The following ADAMTS2 variants were observed in gnomAD, a reference collection of about 807,000 sequenced individuals.
The protein encoded by ADAMTS2 is A disintegrin and metalloproteinase with thrombospondin motifs 2.
A neutral mutation model predicts 123.0 loss-of-function variants in ADAMTS2; 50 were observed. The observed-to-expected ratio is 0.41, with a 90% CI of 0.32 to 0.51. The LOEUF (loss-of-function observed/expected upper bound fraction) is 0.51. ADAMTS2 is among the 20% of genes least tolerant of loss of function. The probability of loss-of-function intolerance (pLI) is 0.35; values close to 1 mark genes in which losing one functional copy is unlikely to be tolerated. For synonymous variants in ADAMTS2, 678 were observed against 695.4 expected (o/e 0.98, Z 0.39); for missense variants, 1,494 against 1,705.2 (o/e 0.88, Z 2.18).
In ADAMTS2 at chr5:179,130,250, C is replaced by T; in HGVS notation, c.2291-152G>A. On this transcript the variant is annotated intron_variant, in intron 15 of 21. Transcript: ENST00000251582. The surrounding 1 kb of genome is among the most constrained non-coding windows in gnomAD (Gnocchi z 4.3). ...CAGTTTCCTCTGTGCCACGACAGCC[C>T]AGATGGCTCTGGGAGCCCTGCTTGC... The T allele has an allele frequency of 2.1e-6, 2 of 948,942 alleles. No individual in the cohort carries two copies. Among genetic ancestry groups the T allele is most frequent in the Non-Finnish European group, 3.3e-6 (2 of 609,138 alleles). 58.8% of individuals were successfully genotyped at this position (948,942 alleles called of 1,614,324 possible).
intron 4 of ADAMTS2, among the ~76,000 whole-genome samples, chr5:179,206,219 G>A (rs1001347398): frequency 1.3e-5 from 2 of 152,176 alleles, no homozygotes; most frequent in African/African-American, 4.8e-5. Flanking sequence ...ACCCAAGACC[G>A]GTCAAGAGGA....
intron 3 of ADAMTS2, among the ~76,000 whole-genome samples, chr5:179,222,609 G>T (rs6859608): frequency 0.056 from 8,593 of 152,348 alleles, 318 homozygotes; most frequent in Non-Finnish European, 0.082. Flanking sequence ...TACTTTAAAA[G>T]GCTGGGGTTT....
intron 2 of ADAMTS2, among the ~76,000 whole-genome samples, chr5:179,319,391 G>T (rs1181475954): frequency 1.3e-5 from 2 of 151,984 alleles, no homozygotes; most frequent in African/African-American, 4.8e-5. Context: ...ATATGTACAG[G>T]CATGCAGTGC....
At position 179,321,235 on chromosome 5, in the gene ADAMTS2, G is replaced by C. The variant is rs541426298; in HGVS notation, c.534+22532C>G. Among the ~76,000 whole-genome samples the C allele has an allele frequency of 2.0e-5, 3 of 149,844 alleles. No individual in the cohort carries two copies. In the East Asian group the frequency reaches 6.0e-4, roughly 30 times the overall value. ...AAGCCACCTAAAATCCTCTGTGCTC[G>C]AGGCAGGGCCACACACACATCTACA... On this transcript the variant is annotated intron_variant, in intron 2 of 21. Coordinates refer to ENST00000251582, the MANE Select transcript of ADAMTS2 (RefSeq NM_014244.5).
chr5:179,239,752 G>A (rs1319348163), intron 3 of ADAMTS2, among the ~76,000 whole-genome samples: 1 of 152,116 alleles, frequency 6.6e-6, no homozygotes, highest in Non-Finnish European at 1.5e-5. Flanking sequence ...CAGAGCCCTG[G>A]GCGCATCAAC....
chr5:179,270,637 C>A (rs1391715080), intron 3 of ADAMTS2, among the ~76,000 whole-genome samples: 1 of 152,212 alleles, frequency 6.6e-6, no homozygotes, highest in Non-Finnish European at 1.5e-5. Context: ...AGTTGCCACT[C>A]TGGGCCCTGA....
At chr5:179,143,746 G>A (rs1268908619) in intron 10 of ADAMTS2, among the ~76,000 whole-genome samples, 1 of 152,046 alleles carries the variant, frequency 6.6e-6, no homozygotes, top group Non-Finnish European at 1.5e-5. Flanking sequence ...ATAGATTTGT[G>A]TGTGTGTGTG....
rs557587828 is a variant in ADAMTS2, at chr5:179,133,750, C to T, written c.2086-850G>A. Among the ~76,000 whole-genome samples the T allele has an allele frequency of 7.5e-3, 1,129 of 150,276 alleles. 14 individuals are homozygous for T. Among genetic ancestry groups the T allele is most frequent in the African/African-American group, 0.026 (1,071 of 40,854 alleles). On this transcript the variant is annotated intron_variant, in intron 13 of 21. Coordinates refer to ENST00000251582, the MANE Select transcript of ADAMTS2 (RefSeq NM_014244.5). ...TCTTTTTTTTTTTTTGAGACAGTCT[C>T]GCTCTGTCGCCTAAGCTGGAGTCAG...
chr5:179,301,720 A>G (rs901556992), intron 2 of ADAMTS2, among the ~76,000 whole-genome samples: 3 of 152,266 alleles, frequency 2.0e-5, no homozygotes. Flanking sequence ...GCTGAACTTC[A>G]GTTTTGACGC....
chr5:179,248,833 C>A (rs1765858212), intron 3 of ADAMTS2, among the ~76,000 whole-genome samples: 1 of 152,094 alleles, frequency 6.6e-6, no homozygotes, highest in African/African-American at 2.4e-5. Flanking sequence ...GATAAAACAA[C>A]CGGCACATGA....
intron 3 of ADAMTS2, among the ~76,000 whole-genome samples, chr5:179,237,663 G>A (rs1044264940): frequency 5.9e-5 from 9 of 152,194 alleles, no homozygotes; most frequent in Non-Finnish European, 1.2e-4. Flanking sequence ...GGAAAGTCTA[G>A]CAGGGTTTAA....
intron 3 of ADAMTS2, among the ~76,000 whole-genome samples, chr5:179,229,546 G>A (rs1425149222): frequency 2.6e-5 from 4 of 152,186 alleles, no homozygotes; most frequent in Non-Finnish European, 2.9e-5. Flanking sequence ...AGCCTTCCCC[G>A]GCCCCCAGGC....
At chr5:179,127,689 C>T (rs1375237164) in intron 17 of ADAMTS2, among the ~76,000 whole-genome samples, 1 of 152,086 alleles carries the variant, frequency 6.6e-6, no homozygotes, top group Non-Finnish European at 1.5e-5. Flanking sequence ...CTTGCTAGGC[C>T]AGCCTGTCAC....
At chr5:179,336,784 A>G (rs153815) in intron 2 of ADAMTS2, among the ~76,000 whole-genome samples, 81,485 of 152,070 alleles carry the variant, frequency 0.54, 22,795 homozygotes, top group East Asian at 0.75. Flanking sequence ...GTGCTTGTCC[A>G]CCCTGCCGGT....
At chr5:179,153,265 TC>T (rs1763398503) in intron 9 of ADAMTS2, among the ~76,000 whole-genome samples, 1 of 152,016 alleles carries the variant, frequency 6.6e-6, no homozygotes, top group Non-Finnish European at 1.5e-5. Context: ...CACAGTCCTG[TC>T]CCCCGTGTGC....
chr5:179,122,961 TAA>T (rs2113182476), intron 19 of ADAMTS2, 188 bp from the exon 20 acceptor site: 1 of 774,644 alleles, frequency 1.3e-6, no homozygotes, highest in Non-Finnish European at 2.1e-6. Context: ...CCTGGGGCTC[TAA>T]AGAAGGGACC....
intron 19 of ADAMTS2, 63 bp downstream of exon 19, chr5:179,124,910 C>T (rs948630692): frequency 2.1e-5 from 33 of 1,590,656 alleles, no homozygotes; most frequent in Non-Finnish European, 2.6e-5. Context: ...GCACGGAGCG[C>T]ACCTGCATGC....
At chr5:179,304,173 T>G (rs1756607736) in intron 2 of ADAMTS2, among the ~76,000 whole-genome samples, 1 of 152,168 alleles carries the variant, frequency 6.6e-6, no homozygotes, top group African/African-American at 2.4e-5. Context: ...CATTGGAACT[T>G]GCAGCCGGAA....
chr5:179,136,485 G>A (rs1171156510), intron 12 of ADAMTS2, among the ~76,000 whole-genome samples: 2 of 151,970 alleles, frequency 1.3e-5, no homozygotes, highest in Non-Finnish European at 2.9e-5. Context: ...GGCCAACATG[G>A]TGAAACCCGT....
Sources: allele counts gnomAD v4.1 joint callset (sites outside exome capture counted in the v4.1 genomes callset), GRCh38; gene constraint gnomAD v4.1.1; non-coding constraint Gnocchi (gnomAD v3.1); transcripts MANE v1.5; gene names NCBI Gene and HGNC (gene_info 2026-07-23, HGNC 2026-07-21).